Variants in RALGAPA2 observed in about 807,000 individuals in gnomAD.
RALGAPA2 encodes Ral GTPase activating protein catalytic subunit alpha 2.
RALGAPA2 carries 139 observed loss-of-function variants against 230.4 expected under a neutral mutation model. The ratio of observed to expected loss-of-function variants is 0.60; its 90% CI spans 0.53 to 0.69. RALGAPA2 has a LOEUF of 0.69. Among genes scored for constraint, RALGAPA2 ranks in the 30% least tolerant of loss-of-function variants. The probability of loss-of-function intolerance (pLI) is 0.00; values close to 1 mark genes in which losing one functional copy is unlikely to be tolerated. For synonymous variants in RALGAPA2, 847 were observed against 837.8 expected, an observed-to-expected ratio of 1.01 and a Z score of -0.19; for missense variants, 2,163 against 2,276.0, an observed-to-expected ratio of 0.95 and a Z score of 1.01.
chr20:20,661,083 T>A (rs1210429315), intron 3 of RALGAPA2, among the ~76,000 whole-genome samples: 1 of 152,198 alleles, frequency 6.6e-6, no homozygotes, highest in Non-Finnish European at 1.5e-5. Context: ...GGGTATAAAC[T>A]GCTTAAAATA....
chr20:20,466,940 T>A (rs2061432529), intron 37 of RALGAPA2, among the ~76,000 whole-genome samples: 1 of 152,266 alleles, frequency 6.6e-6, no homozygotes, highest in Non-Finnish European at 1.5e-5. Flanking sequence ...AATGTGTGAC[T>A]TTGCATCGTG....
chr20:20,396,776 C>CA (rs759495464), intron 38 of RALGAPA2, 42 bp from the exon 39 acceptor site: 14 of 1,302,450 alleles, frequency 1.1e-5, no homozygotes, highest in Non-Finnish European at 1.5e-5. Context: ...ACAAACACAA[C>CA]ACCCCCACAG....
intron 35 of RALGAPA2, among the ~76,000 whole-genome samples, chr20:20,500,364 A>C (rs1280289080): frequency 3.9e-5 from 6 of 152,220 alleles, no homozygotes; most frequent in Non-Finnish European, 7.4e-5. Context: ...TTTACCAATT[A>C]AATTTATGGA....
At chr20:20,443,483 A>G (rs1332979926) in intron 37 of RALGAPA2, among the ~76,000 whole-genome samples, 2 of 152,068 alleles carry the variant, frequency 1.3e-5, no homozygotes, top group African/African-American at 4.8e-5. Flanking sequence ...ATCCCTCTTG[A>G]GCCTTGGCTG....
intron 2 of RALGAPA2, among the ~76,000 whole-genome samples, chr20:20,677,628 C>CTTTTTTTTTTTTTTTTTTTT (rs1568741580): frequency 8.2e-6 from 1 of 121,840 alleles, no homozygotes. Flanking sequence ...TGATTTGACC[C>CTTTTTTTTTTTTTTTTTTTT]ATTTTTTTTT....
At chr20:20,526,603 C>G (rs2063212230) in intron 27 of RALGAPA2, among the ~76,000 whole-genome samples, 1 of 152,124 alleles carries the variant, frequency 6.6e-6, no homozygotes, top group African/African-American at 2.4e-5. Context: ...GAACAAGGAG[C>G]TTTCATTTAC....
intron 31 of RALGAPA2, among the ~76,000 whole-genome samples, chr20:20,514,490 T>C (rs1224888085): frequency 2.6e-5 from 4 of 151,648 alleles, no homozygotes; most frequent in Admixed American, 2.6e-4. Context: ...CCACTCCACA[T>C]CCAGATGGAT....
intron 37 of RALGAPA2, among the ~76,000 whole-genome samples, chr20:20,417,353 C>T (rs77203535): frequency 0.013 from 1,925 of 152,342 alleles, 42 homozygotes; most frequent in African/African-American, 0.044. Context: ...AAAATCAAGA[C>T]GACAGCAGAG....
intron 2 of RALGAPA2, among the ~76,000 whole-genome samples, chr20:20,677,628 C>CCTTT (rs1568741580): frequency 8.2e-6 from 1 of 121,840 alleles, no homozygotes; most frequent in African/African-American, 3.4e-5. Flanking sequence ...TGATTTGACC[C>CCTTT]ATTTTTTTTT....
At chr20:20,642,051 T>C (rs1300993785) in intron 5 of RALGAPA2, among the ~76,000 whole-genome samples, 1 of 140,082 alleles carries the variant, frequency 7.1e-6, no homozygotes, top group African/African-American at 2.7e-5. Context: ...CCTGTCCTCC[T>C]CTCCCAAGCA....
chr20:20,424,946 A>C (rs1477534204), intron 37 of RALGAPA2, among the ~76,000 whole-genome samples: 1 of 152,228 alleles, frequency 6.6e-6, no homozygotes, highest in Non-Finnish European at 1.5e-5. Context: ...TAAGAGAAAA[A>C]AATATTATTA....
chr20:20,707,940 T>G (rs6137108), intron 1 of RALGAPA2, among the ~76,000 whole-genome samples: 2 of 152,166 alleles, frequency 1.3e-5, no homozygotes, highest in Non-Finnish European at 2.9e-5. Context: ...CTGGTTGTAA[T>G]TGACCTTCCC....
chr20:20,420,551 C>A (rs930424016), intron 37 of RALGAPA2, among the ~76,000 whole-genome samples: 7 of 152,106 alleles, frequency 4.6e-5, no homozygotes, highest in African/African-American at 1.7e-4. Context: ...CCAGGAAGGA[C>A]TATGGCATGG....
chr20:20,450,428 C>T (rs1001178241), intron 37 of RALGAPA2, among the ~76,000 whole-genome samples: 2 of 152,232 alleles, frequency 1.3e-5, no homozygotes, highest in Admixed American at 1.3e-4. Context: ...GTTTAAAAGG[C>T]TAGGATTCAC....
intron 13 of RALGAPA2, among the ~76,000 whole-genome samples, chr20:20,613,457 T>C (rs6137077): frequency 0.017 from 2,578 of 152,320 alleles, 94 homozygotes; most frequent in East Asian, 0.14. Context: ...CACCATCATC[T>C]ATGGCACTGC....
At chr20:20,611,652 C>T (rs2065979148) in intron 13 of RALGAPA2, among the ~76,000 whole-genome samples, 1 of 152,178 alleles carries the variant, frequency 6.6e-6, no homozygotes, top group Admixed American at 6.5e-5. Context: ...TCCACACAAA[C>T]AGGCAGGATA....
At chr20:20,402,677 A>G (rs1211938317) in intron 38 of RALGAPA2, among the ~76,000 whole-genome samples, 1 of 152,232 alleles carries the variant, frequency 6.6e-6, no homozygotes, top group Non-Finnish European at 1.5e-5. Flanking sequence ...CCAGACACAT[A>G]TGACATACCT....
chr20:20,526,271 A>T lies in RALGAPA2; in HGVS notation c.3674T>A (p.Leu1225Gln), dbSNP rs1226425325. Residue 1225 changes from leucine to glutamine, a missense_variant, in exon 28 of 40, where the codon CTG (leucine) becomes CAG (glutamine). Leu to Gln is a moderately radical substitution (Grantham distance 113). Transcript: ENST00000202677. ...ACTTACTTCTGCCATTTTCCGAGGCAGAGAGGTTTCAAACATCTGAAGCTT... is the reference window on the plus strand; with the variant it reads ...ACTTACTTCTGCCATTTTCCGAGGCTGAGAGGTTTCAAACATCTGAAGCTT... The part of the protein sequence containing the change: ...WEKLQMFETS[L>Q]PRKMAEILVA... The T allele has an allele frequency of 6.2e-7, 1 of 1,604,986 alleles. No individual in the cohort carries two copies.
At chr20:20,653,697 T>C (rs1346000687) in intron 3 of RALGAPA2, 110 bp from the exon 4 acceptor site, 3 of 616,930 alleles carry the variant, frequency 4.9e-6, no homozygotes, top group Non-Finnish European at 8.6e-6. Context: ...AAGGAAACTA[T>C]GTACAATAAC....
Sources: gnomAD v4.1 joint callset for allele counts (sites outside exome capture counted in the v4.1 genomes callset) on GRCh38, gnomAD v4.1.1 for gene constraint, MANE v1.5 for transcripts, NCBI Gene and HGNC (gene_info 2026-07-23, HGNC 2026-07-21) for gene names.